The following CDH12 variants were observed in gnomAD, a reference collection of about 807,000 sequenced individuals.
CDH12 encodes cadherin-12.
Under a neutral mutation model 74.1 loss-of-function variants are expected in CDH12, and 41 were observed. The observed-to-expected ratio is 0.55, with a 90% CI of 0.43 to 0.72. The LOEUF (loss-of-function observed/expected upper bound fraction) is 0.72, where lower values mean the gene tolerates loss of function less well. CDH12 is among the 30% of genes least tolerant of loss of function. The pLI is 0.00. For synonymous variants in CDH12, 399 were observed against 355.0 expected (o/e 1.12, Z -1.39); for missense variants, 945 against 977.2 (o/e 0.97, Z 0.44).
Position 22,017,380 on chromosome 5 carries a change from T to G in CDH12, c.232-41995A>C, listed in dbSNP as rs1402906552. Among the ~76,000 whole-genome samples the G allele has an allele frequency of 3.9e-5, 6 of 152,092 alleles. No individual in the cohort carries two copies. The South Asian group carries it at 1.0e-3, about 26-fold the overall frequency. On this transcript the variant is annotated intron_variant, in intron 5 of 14. Coordinates refer to ENST00000382254, the MANE Select transcript of CDH12 (RefSeq NM_004061.5). ...ATTCCAGATAAAGGGAACTGTAACC[T>G]GGGCTAGACTGAAGGTCACATGCTC... is the stretch of plus-strand genomic sequence containing the variant.
Position 22,721,535 on chromosome 5 carries a change from A to G in CDH12, c.-523+131523T>C, listed in dbSNP as rs544640296. Among the ~76,000 whole-genome samples, 7 of 152,210 alleles carry G rather than the reference A, an allele frequency of 4.6e-5. No individual in the cohort carries two copies. The South Asian group carries it at 1.5e-3, about 32-fold the overall frequency. On this transcript the variant is annotated intron_variant, in intron 1 of 14. Coordinates refer to ENST00000382254, the MANE Select transcript of CDH12 (RefSeq NM_004061.5). ...AGGGACTTGCCTTGTCTCAGGTGAGACTTTGGACTATGGACTTTCGAGTTA... is the reference window on the plus strand; with the variant it reads ...AGGGACTTGCCTTGTCTCAGGTGAGGCTTTGGACTATGGACTTTCGAGTTA...
chr5:22,462,885 A>C (rs1745577327), intron 2 of CDH12, among the ~76,000 whole-genome samples: 1 of 152,196 alleles, frequency 6.6e-6, no homozygotes, highest in African/African-American at 2.4e-5. Context: ...TTAATTAGAC[A>C]ATTAGCAAGG....
At chr5:22,608,722 C>T (rs1737242480) in intron 1 of CDH12, among the ~76,000 whole-genome samples, 1 of 152,056 alleles carries the variant, frequency 6.6e-6, no homozygotes, top group Admixed American at 6.6e-5. Context: ...GGAGCAGTTT[C>T]CCCCATTCTG....
chr5:22,615,348 G>A (rs915957946), intron 1 of CDH12, among the ~76,000 whole-genome samples: 6 of 151,860 alleles, frequency 4.0e-5, no homozygotes, highest in Non-Finnish European at 5.9e-5. Context: ...CTTTCCTTCT[G>A]TTAGGCTCAG....
At chr5:22,011,276 T>C (rs1385613896) in intron 5 of CDH12, among the ~76,000 whole-genome samples, 1 of 151,996 alleles carries the variant, frequency 6.6e-6, no homozygotes, top group Non-Finnish European at 1.5e-5. Flanking sequence ...AAAATTCAGA[T>C]CTTACAGAAG....
At chr5:21,953,269 TA>T (rs563499564) in intron 6 of CDH12, among the ~76,000 whole-genome samples, 132 of 152,260 alleles carry the variant, frequency 8.7e-4, no homozygotes, top group Admixed American at 2.7e-3. Flanking sequence ...AATTGTCAAC[TA>T]AAGGATCCCT....
chr5:22,027,396 T>C (rs1423696457), intron 5 of CDH12, among the ~76,000 whole-genome samples: 1 of 152,162 alleles, frequency 6.6e-6, no homozygotes, highest in Non-Finnish European at 1.5e-5. Context: ...ATGGTACCAG[T>C]TCCTCCTTGT....
chr5:22,227,554 C>T (rs923540747), intron 3 of CDH12, among the ~76,000 whole-genome samples: 1 of 152,060 alleles, frequency 6.6e-6, no homozygotes, highest in Non-Finnish European at 1.5e-5. Context: ...CACTTGAAAC[C>T]TTAGCTAGTA....
intron 4 of CDH12, among the ~76,000 whole-genome samples, chr5:22,082,350 C>T (rs927412533): frequency 6.6e-6 from 1 of 152,050 alleles, no homozygotes; most frequent in African/African-American, 2.4e-5. Context: ...CACTTTGGGG[C>T]CATTATTAAG....
rs1284372901 is a variant in CDH12 at position 22,255,620 on chromosome 5, TATTTA to T, written c.-332-42982_-332-42978del. 2.6e-5 allele frequency among the ~76,000 whole-genome samples: 4 copies of T among 151,784 alleles called. No homozygotes were observed. The East Asian group carries it at 7.7e-4, about 29-fold the overall frequency. On this transcript the variant is annotated intron_variant, in intron 3 of 14. Coordinates refer to ENST00000382254, the MANE Select transcript of CDH12 (RefSeq NM_004061.5). ...AGTTTGTTACATTTTTATTACATTT[TATTTA>T]ATTTAAAACATTTTTAAAAGTTAAA...
At chr5:21,828,908 CTTTTTTTTTTTTTTT>C (rs70957070) in intron 8 of CDH12, among the ~76,000 whole-genome samples, 1 of 119,280 alleles carries the variant, frequency 8.4e-6, no homozygotes, top group Non-Finnish European at 1.7e-5. Context: ...AATCCTATGT[CTTTTTTTTTTTTTTT>C]TTTTTTTTTG....
intron 6 of CDH12, among the ~76,000 whole-genome samples, chr5:21,928,003 C>T (rs7444684): frequency 0.83 from 125,800 of 151,838 alleles, 52,571 homozygotes; most frequent in East Asian, 0.94. Flanking sequence ...ACCCGGGAGG[C>T]GGAGCTTGCA....
At chr5:21,805,226 A>G (rs1014408908) in intron 9 of CDH12, among the ~76,000 whole-genome samples, 1 of 152,124 alleles carries the variant, frequency 6.6e-6, no homozygotes, top group African/African-American at 2.4e-5. Flanking sequence ...ACTTCTAATT[A>G]TCTATATGAT....
chr5:22,436,269 T>A (rs1256913439), intron 2 of CDH12, among the ~76,000 whole-genome samples: 1 of 52,186 alleles, frequency 1.9e-5, no homozygotes, highest in African/African-American at 8.0e-5. Context: ...GGGCCTGTTG[T>A]GGGGTAGGGG....
chr5:22,139,272 C>G (rs972013255), intron 4 of CDH12: 7 of 148,842 alleles, frequency 4.7e-5, no homozygotes, highest in African/African-American at 1.5e-4. Flanking sequence ...GAGTGTTTAG[C>G]GAAGAAAGCC....
chr5:22,207,931 T>C (rs1219694805), intron 4 of CDH12, among the ~76,000 whole-genome samples: 2 of 152,202 alleles, frequency 1.3e-5, no homozygotes, highest in South Asian at 2.1e-4. Flanking sequence ...CAACTATCAT[T>C]TTCTGAGGAC....
intron 1 of CDH12, among the ~76,000 whole-genome samples, chr5:22,849,089 C>T (rs935392747): frequency 3.3e-5 from 5 of 152,086 alleles, no homozygotes; most frequent in African/African-American, 7.2e-5. Context: ...CTTCCAACCC[C>T]ATGTTCCAGC....
At chr5:22,084,729 CG>C (rs1269306333) in intron 4 of CDH12, among the ~76,000 whole-genome samples, 1 of 152,066 alleles carries the variant, frequency 6.6e-6, no homozygotes, top group African/African-American at 2.4e-5. Context: ...ACTCTGGCCA[CG>C]GTTGTCAGCC....
intron 2 of CDH12, among the ~76,000 whole-genome samples, chr5:22,429,533 C>T (rs1744080145): frequency 6.6e-6 from 1 of 152,138 alleles, no homozygotes; most frequent in African/African-American, 2.4e-5. Context: ...TTATGCACAT[C>T]TTTCTATGAC....
Sources: gnomAD v4.1 joint callset for allele counts (sites outside exome capture counted in the v4.1 genomes callset) on GRCh38, gnomAD v4.1.1 for gene constraint, MANE v1.5 for transcripts, NCBI Gene and HGNC (gene_info 2026-07-23, HGNC 2026-07-21) for gene names.